ZCCHC7: variants seen among roughly 807,000 people sequenced by gnomAD.
The protein encoded by ZCCHC7 is zinc finger CCHC-type containing 7.
Under a neutral mutation model 52.0 loss-of-function variants are expected in ZCCHC7, and 35 were observed. That is an observed-to-expected ratio of 0.67 (90% CI 0.51 to 0.89). The LOEUF is 0.89. Ranked by LOEUF, ZCCHC7 falls within the 40% of genes least tolerant of loss-of-function variation. The probability of loss-of-function intolerance (pLI) is 0.00; values close to 1 mark genes in which losing one functional copy is unlikely to be tolerated. For missense variants in ZCCHC7, 574 were observed against 649.1 expected, an observed-to-expected ratio of 0.88 and a Z score of 1.26; for synonymous variants, 217 against 221.5, an observed-to-expected ratio of 0.98 and a Z score of 0.18.
intron 2 of ZCCHC7, among the ~76,000 whole-genome samples, chr9:37,141,639 AGT>A (rs1457043605): frequency 1.3e-5 from 2 of 151,950 alleles, no homozygotes; most frequent in Non-Finnish European, 1.5e-5. Flanking sequence ...ATTAACAGTA[AGT>A]GGTACTGTTA....
At chr9:37,211,852 C>A (rs762692479) in intron 2 of ZCCHC7, among the ~76,000 whole-genome samples, 1 of 151,598 alleles carries the variant, frequency 6.6e-6, no homozygotes, top group African/African-American at 2.4e-5. Flanking sequence ...CACGGTGAAA[C>A]CCCATCTCTA....
At chr9:37,190,776 T>C (rs1160160112) in intron 2 of ZCCHC7, among the ~76,000 whole-genome samples, 3 of 152,228 alleles carry the variant, frequency 2.0e-5, no homozygotes, top group African/African-American at 4.8e-5. Flanking sequence ...CCCAGCACTT[T>C]GGGAGGCTGA....
At chr9:37,296,927 G>GTGTA (rs1447474520) in intron 2 of ZCCHC7, among the ~76,000 whole-genome samples, 1 of 145,180 alleles carries the variant, frequency 6.9e-6, no homozygotes, top group Non-Finnish European at 1.5e-5. Context: ...GTGTGTGTGT[G>GTGTA]TTTCGTAGAG....
chr9:37,285,840 C>G (rs1233068080), intron 2 of ZCCHC7, among the ~76,000 whole-genome samples: 3 of 152,164 alleles, frequency 2.0e-5, no homozygotes, highest in African/African-American at 7.2e-5. Context: ...GATAGAGATA[C>G]AACAGAGAGG....
chr9:37,334,139 T>C (rs538770495), intron 6 of ZCCHC7, among the ~76,000 whole-genome samples: 38 of 152,064 alleles, frequency 2.5e-4, no homozygotes, highest in African/African-American at 8.9e-4. Flanking sequence ...TAGATAACTT[T>C]AGCATATTCA....
intron 6 of ZCCHC7, among the ~76,000 whole-genome samples, chr9:37,340,564 G>A (rs773599319): frequency 1.3e-5 from 2 of 152,074 alleles, no homozygotes; most frequent in Non-Finnish European, 2.9e-5. Context: ...GTACAGGCAC[G>A]TATGACAGAA....
chr9:37,130,770 A>G (rs1842749144), intron 2 of ZCCHC7, among the ~76,000 whole-genome samples: 1 of 151,788 alleles, frequency 6.6e-6, no homozygotes, highest in Admixed American at 6.6e-5. Flanking sequence ...TGCTGGGATT[A>G]CAGGCGTGAG....
At chr9:37,251,017 T>C (rs1329283332) in intron 2 of ZCCHC7, among the ~76,000 whole-genome samples, 7 of 152,202 alleles carry the variant, frequency 4.6e-5, no homozygotes, top group African/African-American at 1.7e-4. Flanking sequence ...CCTGTGAAAC[T>C]AGTTTCTTCA....
chr9:37,177,328 C>T (rs1273680979), intron 2 of ZCCHC7, among the ~76,000 whole-genome samples: 1 of 152,034 alleles, frequency 6.6e-6, no homozygotes, highest in East Asian at 1.9e-4. Context: ...GAGTGAGACT[C>T]AGTCTCAATA....
chr9:37,215,865 ATTGAT>A, intron 2 of ZCCHC7, among the ~76,000 whole-genome samples: 1 of 152,312 alleles, frequency 6.6e-6, no homozygotes, highest in Non-Finnish European at 1.5e-5. Flanking sequence ...TCAATTTGTA[ATTGAT>A]TTAATTGTGT....
chr9:37,159,952 A>G (rs920511027), intron 2 of ZCCHC7, among the ~76,000 whole-genome samples: 16 of 152,352 alleles, frequency 1.1e-4, no homozygotes, highest in East Asian at 9.6e-4. Flanking sequence ...AAATTAAACC[A>G]TCTTTGTAAA....
chr9:37,260,060 A>T (rs572624153), intron 2 of ZCCHC7, among the ~76,000 whole-genome samples: 1 of 152,238 alleles, frequency 6.6e-6, no homozygotes, highest in South Asian at 2.1e-4. Context: ...GAATTCTGAT[A>T]TATTTTTGGT....
chr9:37,185,075 G>T lies in ZCCHC7; in HGVS notation c.610+58133G>T, dbSNP rs77765683. On this transcript the variant is annotated intron_variant, in intron 2 of 8. Transcript: ENST00000336755. ...CCTTAACATGTTGTCCCCTTGACCC[G>T]TACTTCGAAACTAAACATATTATTT... Among the ~76,000 whole-genome samples the T allele has an allele frequency of 2.6e-5, 4 of 151,916 alleles. No homozygotes were observed. In the South Asian group the frequency reaches 8.3e-4, roughly 32 times the overall value.
intron 2 of ZCCHC7, among the ~76,000 whole-genome samples, chr9:37,292,781 G>A (rs912716313): frequency 6.6e-6 from 1 of 152,166 alleles, no homozygotes; most frequent in Non-Finnish European, 1.5e-5. Flanking sequence ...TAAAAACCAT[G>A]TGTATTGCTT....
chr9:37,126,390 G>A lies in ZCCHC7; in HGVS notation c.58G>A (p.Glu20Lys), dbSNP rs1471485229. Residue 20 changes from glutamate to lysine, a missense_variant, in exon 2 of 9, where the codon GAG (glutamate) becomes AAG (lysine). By Grantham distance (56) the Glu-to-Lys change is moderately conservative (BLOSUM62 1). Coordinates refer to ENST00000336755, the MANE Select transcript of ZCCHC7 (RefSeq NM_032226.3). Reference sequence around the variant, plus strand: ...ATACGAAGATGATCTTTATCGAGATGAGTCATCTAGTGAACTGAGTGTTGA... The same window carrying A: ...ATACGAAGATGATCTTTATCGAGATAAGTCATCTAGTGAACTGAGTGTTGA... ...EAYEDDLYRDESSSELSVDSE... is the reference protein window; with the variant it reads ...EAYEDDLYRDKSSSELSVDSE... 1.2e-6 allele frequency: 2 copies of A among 1,613,936 alleles called. No homozygotes were observed. Among genetic ancestry groups the A allele is most frequent in the Admixed American group, 3.3e-5 (2 of 59,996 alleles).
At chr9:37,181,406 C>G (rs1822346220) in intron 2 of ZCCHC7, among the ~76,000 whole-genome samples, 1 of 152,044 alleles carries the variant, frequency 6.6e-6, no homozygotes, top group African/African-American at 2.4e-5. Flanking sequence ...GCATGTATCT[C>G]AAAAGTGGGT....
chr9:37,163,073 C>T (rs907479497), intron 2 of ZCCHC7, among the ~76,000 whole-genome samples: 13 of 151,948 alleles, frequency 8.6e-5, no homozygotes, highest in South Asian at 4.1e-4. Flanking sequence ...TGGTAGTGTG[C>T]GCCTGTAGTC....
intron 2 of ZCCHC7, among the ~76,000 whole-genome samples, chr9:37,153,052 C>G (rs1820617039): frequency 6.6e-6 from 1 of 152,056 alleles, no homozygotes; most frequent in African/African-American, 2.4e-5. Flanking sequence ...ATTGTTCTAG[C>G]TTTGACCTTT....
intron 2 of ZCCHC7, among the ~76,000 whole-genome samples, chr9:37,142,457 A>G (rs1342715273): frequency 6.6e-6 from 1 of 151,722 alleles, no homozygotes; most frequent in Non-Finnish European, 1.5e-5. Flanking sequence ...GATTTATAGA[A>G]TTTGTAATTA....
Sources: gnomAD v4.1 joint callset for allele counts (sites outside exome capture counted in the v4.1 genomes callset) on GRCh38, gnomAD v4.1.1 for gene constraint, MANE v1.5 for transcripts, NCBI Gene and HGNC (gene_info 2026-07-23, HGNC 2026-07-21) for gene names.